FUT5: variants seen among roughly 807,000 people sequenced by gnomAD.
FUT5 encodes 4-galactosyl-N-acetylglucosaminide 3-alpha-L-fucosyltransferase FUT5.
In FUT5, 1 loss-of-function variant was observed where a neutral mutation model predicts 0.8. The ratio of observed to expected loss-of-function variants is 1.26; its 90% confidence interval spans 0.45 to 5.99. The LOEUF (loss-of-function observed/expected upper bound fraction) is 5.99. Ranked by LOEUF, FUT5 falls within the 30% of genes most tolerant of loss-of-function variation. The probability of loss-of-function intolerance (pLI) is 0.15; values close to 1 mark genes in which losing one functional copy is unlikely to be tolerated. For synonymous variants in FUT5, 212 were observed against 225.7 expected, an observed-to-expected ratio of 0.94 and a Z score of 0.54; for missense variants, 437 against 517.8, an observed-to-expected ratio of 0.84 and a Z score of 1.51.
chr19:5,866,904 C>T lies in FUT5; in HGVS notation c.822G>A (p.Trp274Ter), dbSNP rs777532476. ...LHPDYITEKL[W>*]RNALEAWAVP... ...CGGCCCAGGCCTCCAGGGCGTTCCT[C>T]CACAGCTTCTCGGTGATGTAGTCGG... Residue 274 changes from tryptophan to a stop codon, truncating the protein, a stop_gained, in exon 2 of 2, where the codon TGG becomes TGA. Transcript: ENST00000588525. LOFTEE classifies it low-confidence loss of function (END_TRUNC). The surrounding 1 kb of genome is among the most constrained non-coding windows in gnomAD (Gnocchi z 4.9). 8 of 1,612,728 alleles carry T rather than the reference C, an allele frequency of 5.0e-6. No homozygotes were observed. In the South Asian group the frequency reaches 7.7e-5, roughly 16 times the overall value.
At chr19:5,868,763 G>A (rs574312488) in intron 1 of FUT5, among the ~76,000 whole-genome samples, 5 of 152,124 alleles carry the variant, frequency 3.3e-5, no homozygotes, top group East Asian at 1.9e-4. Flanking sequence ...TGAAATGAGC[G>A]GAGATCACAC....
chr19:5,869,277 C>G (rs1254931416), intron 1 of FUT5, among the ~76,000 whole-genome samples: 9 of 146,274 alleles, frequency 6.2e-5, no homozygotes, highest in South Asian at 2.2e-4. Context: ...CCATGCCCAG[C>G]CTTTTTTTTT....
chr19:5,869,048 C>A (rs1441957522), intron 1 of FUT5, among the ~76,000 whole-genome samples: 1 of 151,502 alleles, frequency 6.6e-6, no homozygotes, highest in African/African-American at 2.4e-5. Flanking sequence ...GTGGCATGAT[C>A]TCGGCTCACT....
In FUT5 at chr19:5,865,838, C is replaced by G. The variant is rs758592264; in HGVS notation, c.*763G>C. The G allele has an allele frequency of 6.5e-6, 1 of 153,920 alleles. No individual in the cohort carries two copies. Among genetic ancestry groups the G allele is most frequent in the Non-Finnish European group, 1.4e-5 (1 of 69,276 alleles). The allele number at this position is 153,920 out of a possible 1,614,324, so 9.5% of individuals were successfully genotyped here. On this transcript the variant is annotated 3_prime_UTR_variant, in exon 2 of 2. Coordinates refer to ENST00000588525, the MANE Select transcript of FUT5 (RefSeq NM_002034.2). The stretch of plus-strand genomic sequence containing the variant: ...AAGCATTCTCGCCTGAAAATGTTAA[C>G]AGCATTATCTGTTTGCACCCCTCAT...
At chr19:5,868,553 G>A (rs2057513470) in intron 1 of FUT5, among the ~76,000 whole-genome samples, 1 of 152,182 alleles carries the variant, frequency 6.6e-6, no homozygotes, top group African/African-American at 2.4e-5. Context: ...AAATTTTATA[G>A]GCCAGGCGTG....
Position 5,867,846 on chromosome 19 carries a change from G to A in FUT5, c.-12-109C>T, listed in dbSNP as rs1271436796. 8.6e-7 allele frequency: 1 copy of A among 1,167,852 alleles called. No homozygotes were observed. The allele number at this position is 1,167,852 out of a possible 1,614,324, so 72.3% of individuals were successfully genotyped here. ...ATTTATGACACAGCTTGTCATAAAT[G>A]CCCCCAGTACCCCTGAGTTGAGGAT... On this transcript the variant is annotated intron_variant, in intron 1 of 1. Transcript: ENST00000588525. This position sits in a 1 kb window ranked among gnomAD's most constrained non-coding sequence, Gnocchi z 5.0.
chr19:5,866,712 C>T lies in FUT5; in HGVS notation c.1014G>A (p.Thr338=), dbSNP rs1203118550. The T allele has an allele frequency of 8.7e-6, 14 of 1,609,902 alleles. No individual in the cohort carries two copies. Among genetic ancestry groups the T allele is most frequent in the African/African-American group, 5.4e-5 (4 of 74,458 alleles). The change falls in exon 2 of 2, where the codon ACG becomes ACA. Residue 338 remains threonine, a synonymous_variant. Coordinates refer to ENST00000588525, the MANE Select transcript of FUT5 (RefSeq NM_002034.2). This position sits in a 1 kb window ranked among gnomAD's most constrained non-coding sequence, Gnocchi z 4.9. ...RYLSYFHWRE[T]LRPRSFSWAL... ...CCCAGCTGAAGGAGCGAGGCCGCAG[C>T]GTCTCCCGCCAGTGAAAGTAGCTCA... is the stretch of plus-strand genomic sequence containing the variant.
chr19:5,866,898 G>T lies in FUT5; in HGVS notation c.828C>A (p.Asn276Lys), dbSNP rs755710824. 1.9e-6 allele frequency: 3 copies of T among 1,612,414 alleles called. No homozygotes were observed. The highest frequency in any genetic ancestry group is 2.5e-6 in the Non-Finnish European group (3 of 1,179,634). The change falls in exon 2 of 2, where the codon AAC becomes AAA. Residue 276 changes from asparagine (N) to lysine (K), a missense_variant. Transcript: ENST00000588525. This position sits in a 1 kb window ranked among gnomAD's most constrained non-coding sequence, Gnocchi z 4.9. The stretch of plus-strand genomic sequence containing the variant: ...CGGGCACGGCCCAGGCCTCCAGGGC[G>T]TTCCTCCACAGCTTCTCGGTGATGT... ...PDYITEKLWR[N>K]ALEAWAVPVV...
rs1372665264 is a variant in FUT5, at chr19:5,867,408, G to A, written c.318C>T (p.Ile106=). 1.2e-6 allele frequency: 2 copies of A among 1,611,952 alleles called. No individual in the cohort carries two copies. The highest frequency in any genetic ancestry group is 1.7e-5 in the Admixed American group (1 of 59,938). ...EMVPGAADCN[I]TADSSVYPQA... is the part of the protein sequence containing the mutation. ...GTGGGTACACACTGGAGTCGGCAGT[G>A]ATGTTGCAGTCGGCCGCGCCGGGCA... Residue 106 remains isoleucine (I), a synonymous_variant, in exon 2 of 2, where the codon ATC becomes ATT. Coordinates refer to ENST00000588525, the MANE Select transcript of FUT5 (RefSeq NM_002034.2). This position sits in a 1 kb window ranked among gnomAD's most constrained non-coding sequence, Gnocchi z 5.0.
In FUT5 at chr19:5,867,668, G is replaced by A; in HGVS notation, c.58C>T (p.Leu20=). The A allele has an allele frequency of 1.2e-6, 2 of 1,613,254 alleles. No individual in the cohort carries two copies. Among genetic ancestry groups the A allele is most frequent in the East Asian group, 2.2e-5 (1 of 44,880 alleles). ...QWLWRRCLAG[L]LFQLLVAVCF... is the part of the protein sequence containing the mutation. Reference sequence around the variant, plus strand: ...ACAGCCACCAGCAGCTGAAACAGCAGCCCGGCCAGACAGCGGCGCCACAGC... The same window carrying A: ...ACAGCCACCAGCAGCTGAAACAGCAACCCGGCCAGACAGCGGCGCCACAGC... The change falls in exon 2 of 2, where the codon CTG becomes TTG. Residue 20 remains leucine, a synonymous_variant. Coordinates refer to ENST00000588525, the MANE Select transcript of FUT5 (RefSeq NM_002034.2). The surrounding 1 kb of genome is among the most constrained non-coding windows in gnomAD (Gnocchi z 5.0).
intron 1 of FUT5, among the ~76,000 whole-genome samples, chr19:5,868,492 C>CT (rs1165700159): frequency 1.5e-4 from 23 of 152,110 alleles, no homozygotes; most frequent in Admixed American, 1.4e-3. Flanking sequence ...CCAGGGTGGA[C>CT]TGTTTACAGT....
At position 5,867,964 on chromosome 19, in the gene FUT5, G is replaced by C. The variant is rs2057511575; in HGVS notation, c.-12-227C>G. ...CAGATAAGGTAGGAGTTGAGGGAAAGGGTGTCCGTTGGATGAGGAAAGAGC... is the reference window on the plus strand; with the variant it reads ...CAGATAAGGTAGGAGTTGAGGGAAACGGTGTCCGTTGGATGAGGAAAGAGC... On this transcript the variant is annotated intron_variant, in intron 1 of 1. Transcript: ENST00000588525. The surrounding 1 kb of genome is among the most constrained non-coding windows in gnomAD (Gnocchi z 5.0). 6.6e-6 allele frequency among the ~76,000 whole-genome samples: 1 copy of C among 152,196 alleles called. No homozygotes were observed. The highest frequency in any genetic ancestry group is 1.5e-5 in the Non-Finnish European group (1 of 68,036).
At position 5,866,652 on chromosome 19, in the gene FUT5, C is replaced by T. The variant is rs763650899; in HGVS notation, c.1074G>A (p.Gln358=). Residue 358 remains glutamine, a synonymous_variant, in exon 2 of 2, where the codon CAG becomes CAA. Transcript: ENST00000588525. This position sits in a 1 kb window ranked among gnomAD's most constrained non-coding sequence, Gnocchi z 4.9. ...LAFCKACWKL[Q]QESRYQTVRS... The stretch of plus-strand genomic sequence containing the variant: ...GCACCGTCTGGTACCTAGATTCCTG[C>T]TGCAGCTTCCAGCAGGCCTTGCAGA... The T allele has an allele frequency of 6.2e-7, 1 of 1,613,040 alleles. No homozygotes were observed. Among genetic ancestry groups the T allele is most frequent in the Non-Finnish European group, 8.5e-7 (1 of 1,179,976 alleles).
Position 5,867,045 on chromosome 19 carries a change from C to G in FUT5, c.681G>C (p.Gln227His), listed in dbSNP as rs756901367. The change falls in exon 2 of 2, where the codon CAG becomes CAC. Residue 227 changes from glutamine to histidine, a missense_variant. This residue lies in a region of FUT5 where 176 missense variants were observed against 275.2 expected (regional missense o/e 0.64). Coordinates refer to ENST00000588525, the MANE Select transcript of FUT5 (RefSeq NM_002034.2). This position sits in a 1 kb window ranked among gnomAD's most constrained non-coding sequence, Gnocchi z 5.0. ...CGTACACGTCCACCTTGAGATGAGC[C>G]TGCAGGCTCTGGTAGTAGCGCACCC... Reference protein sequence around the residue: ...SARVRYYQSLQAHLKVDVYGR... With the variant: ...SARVRYYQSLHAHLKVDVYGR... 1 of 1,613,606 alleles carries G rather than the reference C, an allele frequency of 6.2e-7. No homozygotes were observed. The highest frequency in any genetic ancestry group is 8.5e-7 in the Non-Finnish European group (1 of 1,179,846).
chr19:5,866,561 GA>G lies in FUT5; in HGVS notation c.*39del. On this transcript the variant is annotated 3_prime_UTR_variant, in exon 2 of 2. Coordinates refer to ENST00000588525, the MANE Select transcript of FUT5 (RefSeq NM_002034.2). The surrounding 1 kb of genome is among the most constrained non-coding windows in gnomAD (Gnocchi z 4.9). ...AGACCCTAGGTAGGTGAGGCCCTGG[GA>G]AAGTGAGGTCCCGGCAGCCCAGGCC... 6.2e-7 allele frequency: 1 copy of G among 1,612,446 alleles called. No homozygotes were observed. The highest frequency in any genetic ancestry group is 8.5e-7 in the Non-Finnish European group (1 of 1,179,700).
chr19:5,869,705 G>A (rs1019814401), intron 1 of FUT5, among the ~76,000 whole-genome samples: 1 of 152,132 alleles, frequency 6.6e-6, no homozygotes, highest in Non-Finnish European at 1.5e-5. Flanking sequence ...GAAAGGATGT[G>A]AAGTAGCTCA....
At position 5,866,432 on chromosome 19, in the gene FUT5, G is replaced by T; in HGVS notation, c.*169C>A. On this transcript the variant is annotated 3_prime_UTR_variant, in exon 2 of 2. Coordinates refer to ENST00000588525, the MANE Select transcript of FUT5 (RefSeq NM_002034.2). This position sits in a 1 kb window ranked among gnomAD's most constrained non-coding sequence, Gnocchi z 4.9. Reference sequence around the variant, plus strand: ...GAAATCCCAGGTAAGTCACATGCCTGGCCACCAAAGACTCCAGCAGGTGAG... The same window carrying T: ...GAAATCCCAGGTAAGTCACATGCCTTGCCACCAAAGACTCCAGCAGGTGAG... The T allele has an allele frequency of 9.2e-7, 1 of 1,084,592 alleles. No homozygotes were observed. The highest frequency in any genetic ancestry group is 1.4e-6 in the Non-Finnish European group (1 of 733,576). 67.2% of individuals were successfully genotyped at this position (1,084,592 alleles called of 1,614,324 possible).
intron 1 of FUT5, among the ~76,000 whole-genome samples, chr19:5,869,025 A>G (rs1450846124): frequency 4.0e-5 from 6 of 150,382 alleles, no homozygotes; most frequent in African/African-American, 1.5e-4. Flanking sequence ...TCTGTCGCCC[A>G]GGCTAGAGTG....
chr19:5,870,057 A>G lies in FUT5; in HGVS notation c.-13+408T>C, dbSNP rs952875901. On this transcript the variant is annotated intron_variant, in intron 1 of 1. Coordinates refer to ENST00000588525, the MANE Select transcript of FUT5 (RefSeq NM_002034.2). Reference sequence around the variant, plus strand: ...CTCCAGCTTGGACAACAAAAGCTAAACTCCATCTCAAAAAAAAAAAAAAAA... The same window carrying G: ...CTCCAGCTTGGACAACAAAAGCTAAGCTCCATCTCAAAAAAAAAAAAAAAA... Among the ~76,000 whole-genome samples the G allele has an allele frequency of 1.4e-3, 137 of 99,968 alleles. 1 individual carries two copies. The highest frequency in any genetic ancestry group is 5.6e-3 in the African/African-American group (129 of 22,848). 65.6% of individuals were successfully genotyped at this position (99,968 alleles called of 152,430 possible). A position where few individuals can be genotyped will look rare whatever the true frequency, so the allele number is the denominator to read the frequency against.
Sources: gnomAD v4.1 joint callset for allele counts (sites outside exome capture counted in the v4.1 genomes callset) on GRCh38, gnomAD v4.1.1 for gene constraint, gnomAD v4.1.1 regional missense constraint, Gnocchi (gnomAD v3.1) non-coding constraint, MANE v1.5 for transcripts, NCBI Gene and HGNC (gene_info 2026-07-23, HGNC 2026-07-21) for gene names.